ZC3H12C: variants seen among roughly 807,000 people sequenced by gnomAD.
ZC3H12C encodes zinc finger CCCH-type containing 12C.
ZC3H12C carries 20 observed loss-of-function variants against 76.3 expected under a neutral mutation model. That is an observed-to-expected ratio of 0.26 (90% CI 0.18 to 0.38). The LOEUF is 0.38. Among genes scored for constraint, ZC3H12C ranks in the 10% least tolerant of loss-of-function variants. The probability of loss-of-function intolerance (pLI) is 1.00; values close to 1 mark genes in which losing one functional copy is unlikely to be tolerated. For missense variants in ZC3H12C, 874 were observed against 1,086.5 expected, an observed-to-expected ratio of 0.80 and a Z score of 2.75; for synonymous variants, 352 against 399.6, an observed-to-expected ratio of 0.88 and a Z score of 1.42.
intron 1 of ZC3H12C, 30 bp downstream of exon 1, chr11:110,093,462 C>T (rs1360597247): frequency 1.9e-5 from 23 of 1,195,258 alleles, no homozygotes; most frequent in Non-Finnish European, 2.4e-5. Context: ...GTGGGGGACG[C>T]GGACCGCGGC....
intron 1 of ZC3H12C, among the ~76,000 whole-genome samples, chr11:110,128,735 T>G (rs892630438): frequency 1.3e-5 from 2 of 152,108 alleles, no homozygotes; most frequent in African/African-American, 2.4e-5. Flanking sequence ...TGTGGATATA[T>G]GTTACGTTTT....
intron 1 of ZC3H12C, among the ~76,000 whole-genome samples, chr11:110,119,612 G>A (rs550389409): frequency 8.5e-5 from 13 of 152,068 alleles, no homozygotes; most frequent in South Asian, 2.1e-4. Context: ...GTCTTCATCC[G>A]TTCCTGCTGC....
At chr11:110,093,568 T>A in intron 1 of ZC3H12C, 136 bp downstream of exon 1, 1 of 573,998 alleles carries the variant, frequency 1.7e-6, no homozygotes, top group Non-Finnish European at 2.4e-6. Context: ...CCTCGCCGTG[T>A]GATCTCCAGG....
rs933875321 is a variant in ZC3H12C, at chr11:110,166,460, C to A, written c.*723C>A. ...TTAATATGGTCAATTTAAAAGAAAGCAGATGCAATCAATGGAAAAATGTTT... is the reference window on the plus strand; with the variant it reads ...TTAATATGGTCAATTTAAAAGAAAGAAGATGCAATCAATGGAAAAATGTTT... On this transcript the variant is annotated 3_prime_UTR_variant, in exon 6 of 6. Transcript: ENST00000278590. 5 of 151,952 alleles carry A rather than the reference C, an allele frequency of 3.3e-5. No individual in the cohort carries two copies. Among genetic ancestry groups the A allele is most frequent in the Admixed American group, 3.3e-4 (5 of 15,246 alleles). 9.4% of individuals were successfully genotyped at this position (151,952 alleles called of 1,614,324 possible).
chr11:110,165,257 C>A lies in ZC3H12C; in HGVS notation c.2172C>A (p.Asp724Glu), dbSNP rs1030962566. The A allele has an allele frequency of 6.2e-7, 1 of 1,614,044 alleles. No homozygotes were observed. Among genetic ancestry groups the A allele is most frequent in the Admixed American group, 1.7e-5 (1 of 60,032 alleles). ...AVGARSSCPGDYPSPPSSAHS... is the reference protein window; with the variant it reads ...AVGARSSCPGEYPSPPSSAHS... Reference sequence around the variant, plus strand: ...GCGCCCGGTCCAGCTGTCCTGGCGACTACCCCTCTCCTCCAAGTTCAGCAC... The same window carrying A: ...GCGCCCGGTCCAGCTGTCCTGGCGAATACCCCTCTCCTCCAAGTTCAGCAC... The change falls in exon 6 of 6, where the codon GAC becomes GAA. Residue 724 changes from aspartate (D) to glutamate (E), a missense_variant. Coordinates refer to ENST00000278590, the MANE Select transcript of ZC3H12C (RefSeq NM_033390.2).
chr11:110,115,748 CTTTTTTTTT>C (rs71476067), intron 1 of ZC3H12C, among the ~76,000 whole-genome samples: 27 of 120,318 alleles, frequency 2.2e-4, no homozygotes, highest in Admixed American at 1.1e-3. Flanking sequence ...TTCTCATTTT[CTTTTTTTTT>C]TTTTTTTTTT....
intron 1 of ZC3H12C, among the ~76,000 whole-genome samples, chr11:110,129,987 A>G (rs1445820200): frequency 6.6e-6 from 1 of 152,172 alleles, no homozygotes; most frequent in Non-Finnish European, 1.5e-5. Flanking sequence ...TTTATACACT[A>G]CAAAAAATCA....
At chr11:110,114,638 A>T (rs1440954750) in intron 1 of ZC3H12C, among the ~76,000 whole-genome samples, 1 of 152,206 alleles carries the variant, frequency 6.6e-6, no homozygotes. Context: ...TCTGCTACTC[A>T]TGAAAGTATT....
chr11:110,113,241 CT>C (rs968058971), intron 1 of ZC3H12C, among the ~76,000 whole-genome samples: 1 of 151,976 alleles, frequency 6.6e-6, no homozygotes, highest in Non-Finnish European at 1.5e-5. Context: ...AAATTTTCAT[CT>C]TTTTTTTCTA....
At chr11:110,133,913 ACTTATC>A (rs1246776255) in intron 1 of ZC3H12C, among the ~76,000 whole-genome samples, 1 of 152,194 alleles carries the variant, frequency 6.6e-6, no homozygotes, top group African/African-American at 2.4e-5. Context: ...AAATAATTTC[ACTTATC>A]CTTTAAGCAG....
chr11:110,123,070 G>A (rs568262620), intron 1 of ZC3H12C, among the ~76,000 whole-genome samples: 2 of 152,222 alleles, frequency 1.3e-5, no homozygotes, highest in South Asian at 4.1e-4. Context: ...TTCTGGAATT[G>A]TTTATTTCTG....
rs576452198 is a variant in ZC3H12C, at chr11:110,166,817, C to T, written c.*1080C>T. The T allele has an allele frequency of 4.6e-5, 7 of 152,148 alleles. No individual in the cohort carries two copies. In the East Asian group the frequency reaches 1.4e-3, roughly 29 times the overall value. The allele number at this position is 152,148 out of a possible 1,614,324, so 9.4% of individuals were successfully genotyped here. A position where few individuals can be genotyped will look rare whatever the true frequency, so the allele number is the denominator to read the frequency against. ...TTATGCAACATTTCTTGATACTGCA[C>T]TATAGAGAAATGGTGATGGAGGAGT... is the stretch of plus-strand genomic sequence containing the variant. On this transcript the variant is annotated 3_prime_UTR_variant, in exon 6 of 6. Coordinates refer to ENST00000278590, the MANE Select transcript of ZC3H12C (RefSeq NM_033390.2).
intron 1 of ZC3H12C, among the ~76,000 whole-genome samples, chr11:110,130,775 G>A (rs1466665477): frequency 2.6e-5 from 4 of 152,162 alleles, no homozygotes; most frequent in Admixed American, 1.3e-4. Context: ...GCTTTGTATG[G>A]CCTATTGTTG....
intron 3 of ZC3H12C, among the ~76,000 whole-genome samples, chr11:110,153,555 T>C (rs1204211124): frequency 2.2e-4 from 1 of 4,534 alleles, no homozygotes; most frequent in Non-Finnish European, 0.025. Context: ...TAAGCCAGCT[T>C]TTTTTTTTTC....
chr11:110,163,388 C>CT lies in ZC3H12C; in HGVS notation c.1255+12dup, dbSNP rs1204428041. On this transcript the variant is annotated intron_variant, in intron 5 of 5. Transcript: ENST00000278590. ...GCAGCCTTGTCCATATGGTAACTTG[C>CT]TTTGTGAATATTGGGTATATGCCTT... The CT allele has an allele frequency of 6.2e-7, 1 of 1,603,698 alleles. No homozygotes were observed. The highest frequency in any genetic ancestry group is 8.5e-7 in the Non-Finnish European group (1 of 1,173,826).
chr11:110,117,288 C>T (rs1018126184), intron 1 of ZC3H12C, among the ~76,000 whole-genome samples: 1 of 152,084 alleles, frequency 6.6e-6, no homozygotes, highest in African/African-American at 2.4e-5. Context: ...TCTCTATTGG[C>T]TAATCTATTA....
chr11:110,115,934 A>G (rs1464042640), intron 1 of ZC3H12C, among the ~76,000 whole-genome samples: 2 of 151,436 alleles, frequency 1.3e-5, no homozygotes, highest in Admixed American at 6.6e-5. Flanking sequence ...TAATTTTTGT[A>G]TTTTTAGTAG....
intron 1 of ZC3H12C, among the ~76,000 whole-genome samples, chr11:110,108,671 G>T (rs1861375271): frequency 6.6e-6 from 1 of 152,132 alleles, no homozygotes; most frequent in South Asian, 2.1e-4. Context: ...CCATCCATGT[G>T]CTGATGACTA....
intron 1 of ZC3H12C, among the ~76,000 whole-genome samples, chr11:110,102,481 G>C (rs1861235004): frequency 6.6e-6 from 1 of 152,034 alleles, no homozygotes; most frequent in Non-Finnish European, 1.5e-5. Context: ...GATAAAACTT[G>C]AACAGATGAG....
Sources: gnomAD v4.1 joint callset for allele counts (sites outside exome capture counted in the v4.1 genomes callset) on GRCh38, gnomAD v4.1.1 for gene constraint, MANE v1.5 for transcripts, NCBI Gene and HGNC (gene_info 2026-07-23, HGNC 2026-07-21) for gene names.